The following SLC39A10 variants were observed in gnomAD, a reference collection of about 807,000 sequenced individuals.
SLC39A10 encodes the protein solute carrier family 39 member 10.
A neutral mutation model predicts 65.1 loss-of-function variants in SLC39A10; 13 were observed. The ratio of observed to expected loss-of-function variants is 0.20; its 90% CI spans 0.13 to 0.32. The LOEUF (loss-of-function observed/expected upper bound fraction) is 0.32. SLC39A10 is among the 10% of genes least tolerant of loss of function. SLC39A10 has a pLI of 1.00. For missense variants in SLC39A10, 831 were observed against 1,018.4 expected (o/e 0.82, Z 2.50); for synonymous variants, 321 against 342.2 (o/e 0.94, Z 0.68).
intron 1 of SLC39A10, among the ~76,000 whole-genome samples, chr2:195,673,037 A>T (rs1689930725): frequency 6.6e-6 from 1 of 152,216 alleles, no homozygotes; most frequent in African/African-American, 2.4e-5. Context: ...TGAGACTGTG[A>T]GATTAAAAAA....
intron 3 of SLC39A10, among the ~76,000 whole-genome samples, chr2:195,698,532 T>C (rs1241782017): frequency 6.6e-6 from 1 of 152,066 alleles, no homozygotes; most frequent in Non-Finnish European, 1.5e-5. Context: ...CATGAGAGGA[T>C]ATTGAATTTT....
chr2:195,719,787 T>G (rs1274029208), intron 8 of SLC39A10, among the ~76,000 whole-genome samples: 1 of 150,562 alleles, frequency 6.6e-6, no homozygotes, highest in African/African-American at 2.4e-5. Flanking sequence ...CCTGGCTAAT[T>G]TTTGTTTTTT....
chr2:195,680,800 CT>C lies in SLC39A10; in HGVS notation c.759del (p.Asn254ThrfsTer68). 1 of 1,614,074 alleles carries C rather than the reference CT, an allele frequency of 6.2e-7. No homozygotes were observed. The highest frequency in any genetic ancestry group is 8.5e-7 in the Non-Finnish European group (1 of 1,180,002). Reference sequence around the variant, plus strand: ...GAGGTTATTACACCAGGTTTTCCCCCTAACCATGATCAGGGTGAACAGTATG... The same window carrying C: ...GAGGTTATTACACCAGGTTTTCCCCCAACCATGATCAGGGTGAACAGTATG... ...NSEVITPGFPPNHDQGEQYEH... is the reference protein window; with the variant it reads ...NSEVITPGFPXNHDQGEQYEH... On this transcript the variant is annotated frameshift_variant, in exon 2 of 10. Transcript: ENST00000359634. LOFTEE classifies it high-confidence loss of function.
intron 3 of SLC39A10, 116 bp from the exon 4 acceptor site, chr2:195,706,500 A>G (rs1691400286): frequency 2.1e-6 from 2 of 944,722 alleles, no homozygotes; most frequent in Admixed American, 3.3e-5. Context: ...AGCTTTCATA[A>G]TCTGGGTAAA....
chr2:195,643,560 T>C (rs968300931), intron 2 of SLC39A10, among the ~76,000 whole-genome samples: 2 of 152,242 alleles, frequency 1.3e-5, no homozygotes, highest in African/African-American at 2.4e-5. Flanking sequence ...CTACTAGTAA[T>C]TGAATGGATA....
chr2:195,686,817 T>A (rs1391126504), intron 3 of SLC39A10, among the ~76,000 whole-genome samples: 1 of 152,208 alleles, frequency 6.6e-6, no homozygotes. Flanking sequence ...CTGTAATTCT[T>A]ATACTTCCTG....
rs529004413 is a variant in SLC39A10, at chr2:195,710,386, C to A, written c.1575+1542C>A. ...TCATTTTGTTAGTTAATTCCAGATA[C>A]CTTTTTTGGGATGGTCAAGATCTTA... On this transcript the variant is annotated intron_variant, in intron 5 of 9. Coordinates refer to ENST00000359634, the MANE Select transcript of SLC39A10 (RefSeq NM_020342.3). Among the ~76,000 whole-genome samples, 4 of 152,254 alleles carry A rather than the reference C, an allele frequency of 2.6e-5. No individual in the cohort carries two copies. The East Asian group carries it at 7.7e-4, about 29-fold the overall frequency.
At chr2:195,695,326 C>G (rs1690908285) in intron 3 of SLC39A10, among the ~76,000 whole-genome samples, 1 of 152,118 alleles carries the variant, frequency 6.6e-6, no homozygotes, top group Admixed American at 6.5e-5. Context: ...GAGTTTTGTT[C>G]CCAGGGGGAT....
At chr2:195,651,325 T>C (rs917695531) in intron 2 of SLC39A10, among the ~76,000 whole-genome samples, 5 of 152,154 alleles carry the variant, frequency 3.3e-5, no homozygotes, top group African/African-American at 1.2e-4. Context: ...ATAATGGAAA[T>C]AATTTGTATC....
chr2:195,658,204 GC>G (rs1310497677), intron 1 of SLC39A10: 1 of 152,488 alleles, frequency 6.6e-6, no homozygotes, highest in Non-Finnish European at 1.5e-5. Context: ...CGGGGGCCTT[GC>G]CAGGGCGCGA....
At chr2:195,652,463 C>T (rs1689054380), upstream of SLC39A10, among the ~76,000 whole-genome samples, 1 of 150,716 alleles carries the variant, frequency 6.6e-6, no homozygotes, top group Admixed American at 6.6e-5. Context: ...GCAGGAGAAT[C>T]GCCTGAGCCT....
rs191394946 is a variant in SLC39A10 at position 195,706,935 on chromosome 2, G to C, written c.1386+150G>C. 3.5e-5 allele frequency: 18 copies of C among 514,160 alleles called. No individual in the cohort carries two copies. The East Asian group carries it at 6.1e-4, about 17-fold the overall frequency. The allele number at this position is 514,160 out of a possible 1,614,324, so 31.8% of individuals were successfully genotyped here. A position where few individuals can be genotyped will look rare whatever the true frequency, so the allele number is the denominator to read the frequency against. On this transcript the variant is annotated intron_variant, in intron 4 of 9. Coordinates refer to ENST00000359634, the MANE Select transcript of SLC39A10 (RefSeq NM_020342.3). ...AAGTATTTTTTTCTCCATTTTCAGA[G>C]TTTTAATAGCAATATTTTTTTAAAT...
intron 3 of SLC39A10, among the ~76,000 whole-genome samples, chr2:195,690,304 C>T (rs899910415): frequency 1.3e-5 from 2 of 151,618 alleles, no homozygotes; most frequent in Non-Finnish European, 2.9e-5. Flanking sequence ...GTTGCTTCCA[C>T]AGTTTAGCTA....
chr2:195,616,305 T>TGATA lies in SLC39A10; in HGVS notation c.-12+10075_-12+10076insAGAT, dbSNP rs556949832. On this transcript the variant is annotated intron_variant, in intron 2 of 2. Coordinates refer to the SLC39A10 transcript ENST00000458054. ...TTTTAATATTTCAATTTGGATTGAT[T>TGATA]GATTGATTGATTGATTTTTTGAGAC... Among the ~76,000 whole-genome samples, 1,480 of 151,544 alleles carry TGATA rather than the reference T, an allele frequency of 9.8e-3. 29 individuals are homozygous for TGATA. The highest frequency in any genetic ancestry group is 0.033 in the African/African-American group (1,369 of 41,214).
At chr2:195,730,239 A>C (rs1692391784) in intron 9 of SLC39A10, among the ~76,000 whole-genome samples, 1 of 151,934 alleles carries the variant, frequency 6.6e-6, no homozygotes, top group Non-Finnish European at 1.5e-5. Context: ...GTCATTTTCC[A>C]GTCTTCATTT....
intron 2 of SLC39A10, among the ~76,000 whole-genome samples, chr2:195,643,621 G>T (rs923072298): frequency 3.9e-5 from 6 of 152,170 alleles, no homozygotes; most frequent in Admixed American, 3.9e-4. Context: ...TGAAAGAAGT[G>T]CCAAGCTGCA....
chr2:195,633,133 C>A (rs1417794949), intron 2 of SLC39A10, among the ~76,000 whole-genome samples: 1 of 152,194 alleles, frequency 6.6e-6, no homozygotes, highest in African/African-American at 2.4e-5. Context: ...CTGATGTAAT[C>A]ATTTTGTCTT....
intron 2 of SLC39A10, among the ~76,000 whole-genome samples, chr2:195,624,465 TAAAA>T (rs1181551504): frequency 1.3e-5 from 2 of 148,338 alleles, no homozygotes; most frequent in South Asian, 2.1e-4. Context: ...AAAAATAACT[TAAAA>T]AAAGAAGAAA....
Position 195,735,985 on chromosome 2 carries a change from T to C in SLC39A10, c.*944T>C, listed in dbSNP as rs996039659. ...GAAATGTAAGTTCTGAATGTTCACA[T>C]TGCTTTACCAGTTTGGCACTGGAAC... On this transcript the variant is annotated 3_prime_UTR_variant, in exon 10 of 10. Transcript: ENST00000359634. 5 of 152,544 alleles carry C rather than the reference T, an allele frequency of 3.3e-5. No individual in the cohort carries two copies. In the South Asian group the frequency reaches 8.3e-4, roughly 25 times the overall value. 9.4% of individuals were successfully genotyped at this position (152,544 alleles called of 1,614,324 possible). A position where few individuals can be genotyped will look rare whatever the true frequency, so the allele number is the denominator to read the frequency against.
Sources: allele counts gnomAD v4.1 joint callset (sites outside exome capture counted in the v4.1 genomes callset), GRCh38; gene constraint gnomAD v4.1.1; transcripts MANE v1.5; gene names NCBI Gene and HGNC (gene_info 2026-07-23, HGNC 2026-07-21).